Variants in SPRING1 observed in about 807,000 individuals in gnomAD.
SPRING1 encodes the protein SREBP regulating gene protein.
SPRING1 carries 14 observed loss-of-function variants against 24.7 expected under a neutral mutation model. The ratio of observed to expected loss-of-function variants is 0.57; its 90% CI spans 0.37 to 0.88. The LOEUF is 0.88. Ranked by LOEUF, SPRING1 falls within the 40% of genes least tolerant of loss-of-function variation. SPRING1 has a pLI of 0.00. For missense variants in SPRING1, 255 were observed against 268.4 expected (o/e 0.95, Z 0.35); for synonymous variants, 93 against 106.1 (o/e 0.88, Z 0.76).
intron 2 of SPRING1, among the ~76,000 whole-genome samples, chr12:116,722,294 G>C (rs1247057489): frequency 2.0e-5 from 3 of 152,088 alleles, no homozygotes; most frequent in Non-Finnish European, 4.4e-5. Context: ...AAGAGTCTCT[G>C]TCTTACCCAA....
intron 4 of SPRING1, among the ~76,000 whole-genome samples, chr12:116,718,541 A>G (rs1870265791): frequency 2.0e-5 from 3 of 152,264 alleles, no homozygotes; most frequent in Admixed American, 2.0e-4. Flanking sequence ...ACTTGTAAAT[A>G]TTCATCCAAT....
intron 4 of SPRING1, among the ~76,000 whole-genome samples, chr12:116,718,480 T>C (rs1870263853): frequency 6.6e-6 from 1 of 152,264 alleles, no homozygotes; most frequent in African/African-American, 2.4e-5. Context: ...ACTTGGGTTT[T>C]TGGCTAGTCT....
In SPRING1 at chr12:116,723,203, ATC is replaced by A. The variant is rs1566058034; in HGVS notation, c.130_131del (p.Asp44Ter). On this transcript the variant is annotated frameshift_variant, in exon 2 of 5. Coordinates refer to ENST00000261318, the MANE Select transcript of SPRING1 (RefSeq NM_024738.4). LOFTEE classifies it high-confidence loss of function. The stretch of plus-strand genomic sequence containing the variant: ...GGTCATGAACCTGGAGGAGATTCCT[ATC>A]TCTCACTGCCCTCTCCTCCTGCAAA... ...TFKQEERAVR[D>X]RNLLQVHDHN... 1 of 1,614,048 alleles carries A rather than the reference ATC, an allele frequency of 6.2e-7. No individual in the cohort carries two copies. Among genetic ancestry groups the A allele is most frequent in the African/African-American group, 1.3e-5 (1 of 74,940 alleles).
chr12:116,736,112 G>GA (rs35435981), intron 1 of SPRING1, among the ~76,000 whole-genome samples: 24 of 135,948 alleles, frequency 1.8e-4, no homozygotes, highest in East Asian at 6.3e-4. Flanking sequence ...AAAAAAAATT[G>GA]AAAAAAAAAA....
intron 1 of SPRING1, among the ~76,000 whole-genome samples, chr12:116,727,599 G>T (rs1236220341): frequency 2.0e-5 from 3 of 152,128 alleles, no homozygotes; most frequent in African/African-American, 7.2e-5. Context: ...AAGGCCAGAG[G>T]GTACTCCAAA....
rs755025888 is a variant in SPRING1, at chr12:116,737,804, T to C, written c.97A>G (p.Ser33Gly). ...CGGCCACTGACCTGCTTGAAGGTGC[T>C]GCTGAGGAAGTAGACGAGCGACAGC... ...FGLSLVYFLS[S>G]TFKQEERAVR... The change falls in exon 1 of 5, where the codon AGC (serine) becomes GGC (glycine). Residue 33 changes from serine to glycine, a missense_variant. By Grantham distance (56) the Ser-to-Gly change is moderately conservative. Coordinates refer to ENST00000261318, the MANE Select transcript of SPRING1 (RefSeq NM_024738.4). The C allele has an allele frequency of 1.3e-6, 2 of 1,592,326 alleles. No individual in the cohort carries two copies. Among genetic ancestry groups the C allele is most frequent in the Non-Finnish European group, 1.7e-6 (2 of 1,169,112 alleles).
intron 1 of SPRING1, among the ~76,000 whole-genome samples, chr12:116,735,837 C>G (rs1256132058): frequency 6.6e-6 from 1 of 151,628 alleles, no homozygotes; most frequent in Non-Finnish European, 1.5e-5. Context: ...GTCGGGAGTT[C>G]AAGACCAGCC....
rs143900923 is a variant in SPRING1, at chr12:116,721,281, C to T, written c.269-834G>A. Among the ~76,000 whole-genome samples the T allele has an allele frequency of 9.7e-3, 1,477 of 152,288 alleles. 12 individuals are homozygous for T. The highest frequency in any genetic ancestry group is 0.017 in the Middle Eastern group (5 of 294). ...TAGGTCCACAAGGGCCACCACTGGCCCCGAGGAAAGTCCCAGGTGCACACA... is the reference window on the plus strand; with the variant it reads ...TAGGTCCACAAGGGCCACCACTGGCTCCGAGGAAAGTCCCAGGTGCACACA... On this transcript the variant is annotated intron_variant, in intron 2 of 4. Transcript: ENST00000261318.
At position 116,737,926 on chromosome 12, in the gene SPRING1, G is replaced by GA; in HGVS notation, c.-27_-26insT. ...CCCGGCGCGGACGTGGGGCGCGGCG[G>GA]CCGGGGCGCGGAACGCGGCAGGCCC... On this transcript the variant is annotated 5_prime_UTR_variant, in exon 1 of 5. Coordinates refer to ENST00000261318, the MANE Select transcript of SPRING1 (RefSeq NM_024738.4). 1 of 1,470,988 alleles carries GA rather than the reference G, an allele frequency of 6.8e-7. No individual in the cohort carries two copies. The highest frequency in any genetic ancestry group is 2.9e-5 in the East Asian group (1 of 34,508). 91.1% of individuals were successfully genotyped at this position (1,470,988 alleles called of 1,614,324 possible).
chr12:116,716,497 G>A lies in SPRING1; in HGVS notation c.*1313C>T, dbSNP rs1034182132. On this transcript the variant is annotated 3_prime_UTR_variant, in exon 5 of 5. Transcript: ENST00000261318. ...AGAGTTGTGTGTTCACGTGACTCCT[G>A]AAAACAAAGAGCAGTACTATTCGAA... 6 of 152,680 alleles carry A rather than the reference G, an allele frequency of 3.9e-5. No individual in the cohort carries two copies. Among genetic ancestry groups the A allele is most frequent in the African/African-American group, 1.2e-4 (5 of 41,462 alleles). 9.5% of individuals were successfully genotyped at this position (152,680 alleles called of 1,614,324 possible).
intron 1 of SPRING1, among the ~76,000 whole-genome samples, chr12:116,734,108 G>A (rs909826109): frequency 5.9e-5 from 9 of 152,058 alleles, no homozygotes; most frequent in Admixed American, 1.3e-4. Context: ...AACTCCTGAC[G>A]TCAAGTGATC....
intron 1 of SPRING1, among the ~76,000 whole-genome samples, chr12:116,733,179 T>C (rs1264613982): frequency 6.6e-6 from 1 of 152,032 alleles, no homozygotes; most frequent in African/African-American, 2.4e-5. Context: ...CTAACGTGTG[T>C]GCTCGTCTTA....
intron 1 of SPRING1, among the ~76,000 whole-genome samples, chr12:116,732,336 G>A (rs1448337399): frequency 6.6e-6 from 1 of 152,214 alleles, no homozygotes; most frequent in Non-Finnish European, 1.5e-5. Flanking sequence ...AGCACTTTGG[G>A]AGGCCGAGGC....
chr12:116,737,808 G>A lies in SPRING1; in HGVS notation c.93C>T (p.Leu31=). The stretch of plus-strand genomic sequence containing the variant: ...CACTGACCTGCTTGAAGGTGCTGCT[G>A]AGGAAGTAGACGAGCGACAGCCCGA... ...LVFGLSLVYF[L]SSTFKQEERA... Residue 31 remains leucine (L), a synonymous_variant, in exon 1 of 5, where the codon CTC becomes CTT. Transcript: ENST00000261318. 6.3e-7 allele frequency: 1 copy of A among 1,595,004 alleles called. No homozygotes were observed. Among genetic ancestry groups the A allele is most frequent in the Non-Finnish European group, 8.5e-7 (1 of 1,170,516 alleles).
Position 116,719,849 on chromosome 12 carries a change from G to C in SPRING1, c.448C>G (p.Arg150Gly). The C allele has an allele frequency of 6.2e-7, 1 of 1,614,168 alleles. No individual in the cohort carries two copies. ...KQLLLERFLN[R>G]AAVAFQNLFM... ...AGGTTCTGGAATGCCACGGCTGCCC[G>C]GTTGAGGAAGCGCTCCAGGAGAAGT... The change falls in exon 4 of 5, where the codon CGG becomes GGG. Residue 150 changes from arginine to glycine, a missense_variant. Physicochemically the swap from Arg to Gly is moderately radical, Grantham distance 125 (BLOSUM62 -2). Transcript: ENST00000261318.
At chr12:116,735,080 G>T (rs769515394) in intron 1 of SPRING1, among the ~76,000 whole-genome samples, 9 of 152,178 alleles carry the variant, frequency 5.9e-5, no homozygotes, top group Non-Finnish European at 1.2e-4. Context: ...GCAGATTCAG[G>T]ATACACTCTG....
Position 116,728,293 on chromosome 12 carries a change from T to C in SPRING1, c.112-5070A>G, listed in dbSNP as rs1308519880. Among the ~76,000 whole-genome samples the C allele has an allele frequency of 2.0e-5, 3 of 152,198 alleles. No homozygotes were observed. The highest frequency in any genetic ancestry group is 4.4e-5 in the Non-Finnish European group (3 of 68,040). On this transcript the variant is annotated intron_variant, in intron 1 of 4. Coordinates refer to ENST00000261318, the MANE Select transcript of SPRING1 (RefSeq NM_024738.4). The surrounding 1 kb of genome is among the most constrained non-coding windows in gnomAD (Gnocchi z 4.2). ...TTGCTTATTTACTATCTCTCCTCCT[T>C]ACCCGCTAGTGGAATATAGGCTCTT...
rs2137032381 is a variant in SPRING1 at position 116,720,303 on chromosome 12, G to A, written c.413C>T (p.Pro138Leu). Residue 138 changes from proline to leucine, a missense_variant, in exon 3 of 5, where the codon CCC (proline) becomes CTC (leucine). By Grantham distance (98) the Pro-to-Leu change is moderately conservative (BLOSUM62 -3). Transcript: ENST00000261318. The surrounding 1 kb of genome is among the most constrained non-coding windows in gnomAD (Gnocchi z 4.0). ...AGGATCAACTCCCCATACCTTGTTG[G>A]GCTGCAGGCAGCAGGAGACACAGTA... ...YEYCVSCCLQ[P>L]NKQLLLERFL... The A allele has an allele frequency of 6.2e-7, 1 of 1,609,408 alleles. No homozygotes were observed. Among genetic ancestry groups the A allele is most frequent in the Non-Finnish European group, 8.5e-7 (1 of 1,178,570 alleles).
rs138701983 is a variant in SPRING1, at chr12:116,730,802, G to A, written c.111+6988C>T. On this transcript the variant is annotated intron_variant, in intron 1 of 4. Coordinates refer to ENST00000261318, the MANE Select transcript of SPRING1 (RefSeq NM_024738.4). ...GGTGTTAGAAAGTTACAAGCTAAGC[G>A]TAGCAGATACGCATTTTCCAAAATT... Among the ~76,000 whole-genome samples, 1,482 of 152,296 alleles carry A rather than the reference G, an allele frequency of 9.7e-3. 12 individuals carry two copies. The highest frequency in any genetic ancestry group is 0.017 in the Middle Eastern group (5 of 294).
Sources: gnomAD v4.1 joint callset for allele counts (sites outside exome capture counted in the v4.1 genomes callset) on GRCh38, gnomAD v4.1.1 for gene constraint, Gnocchi (gnomAD v3.1) non-coding constraint, MANE v1.5 for transcripts, NCBI Gene and HGNC (gene_info 2026-07-23, HGNC 2026-07-21) for gene names.